ANGPT2: variants seen among roughly 807,000 people sequenced by gnomAD.
ANGPT2 encodes angiopoietin 2, also known as angiopoietin-2.
In ANGPT2, 28 loss-of-function variants were observed where a neutral mutation model predicts 62.9. The observed-to-expected ratio is 0.44, with a 90% CI of 0.33 to 0.61. ANGPT2 has a LOEUF of 0.61. Among genes scored for constraint, ANGPT2 ranks in the 20% least tolerant of loss-of-function variants. The pLI is 0.03. For synonymous variants in ANGPT2, 284 were observed against 207.8 expected (o/e 1.37, Z -3.15); for missense variants, 727 against 594.9 (o/e 1.22, Z -2.31).
intron 1 of ANGPT2, among the ~76,000 whole-genome samples, chr8:6,555,583 T>G (rs1422569081): frequency 6.6e-6 from 1 of 151,772 alleles, no homozygotes; most frequent in African/African-American, 2.4e-5. Flanking sequence ...CACCTCATCC[T>G]CCTGAGTAGC....
chr8:6,503,392 G>C (rs1812590183), intron 8 of ANGPT2, 131 bp from the exon 9 acceptor site: 3 of 847,492 alleles, frequency 3.5e-6, no homozygotes, highest in South Asian at 3.3e-5. Context: ...ATGATGGTGA[G>C]TATAGGATGT....
chr8:6,532,465 T>G lies in ANGPT2; in HGVS notation c.311A>C (p.Asn104Thr), dbSNP rs1250282840. 6.2e-7 allele frequency: 1 copy of G among 1,613,598 alleles called. No homozygotes were observed. The highest frequency in any genetic ancestry group is 1.7e-5 in the Admixed American group (1 of 59,966). The stretch of plus-strand genomic sequence containing the variant: ...TATCTCTACCATTTCTTTCTTCATG[T>G]TGTCCTGGATATAATTCTCAAGCTA... ...LMKLENYIQD[N>T]MKKEMVEIQQ... The change falls in exon 2 of 9, where the codon AAC becomes ACC. Residue 104 changes from asparagine (N) to threonine (T), a missense_variant. By Grantham distance (65) the Asn-to-Thr change is moderately conservative. Transcript: ENST00000629816.
In ANGPT2 at chr8:6,513,694, C is replaced by T. The variant is rs764007865; in HGVS notation, c.1180G>A (p.Glu394Lys). Residue 394 changes from glutamate (E) to lysine (K), a missense_variant, in exon 7 of 9, where the codon GAA becomes AAA. Coordinates refer to ENST00000629816, the MANE Select transcript of ANGPT2 (RefSeq NM_001118887.2). ...SLYEHFYLSS[E>K]ELNYRIHLKG... ...CTCACTTACCTATAATTGAGTTCTT[C>T]ACTTGAGAGATAGAAATGTTCATAC... 8.1e-6 allele frequency: 13 copies of T among 1,611,036 alleles called. No homozygotes were observed. The highest frequency in any genetic ancestry group is 1.1e-5 in the Non-Finnish European group (13 of 1,179,210).
At chr8:6,543,791 G>T (rs1312799003) in intron 1 of ANGPT2, among the ~76,000 whole-genome samples, 1 of 152,154 alleles carries the variant, frequency 6.6e-6, no homozygotes, top group African/African-American at 2.4e-5. Flanking sequence ...AAAGCTGCGA[G>T]TTTTTTCATA....
At chr8:6,527,481 C>A in intron 3 of ANGPT2, 74 bp downstream of exon 3, 1 of 1,540,558 alleles carries the variant, frequency 6.5e-7, no homozygotes, top group Non-Finnish European at 8.8e-7. Context: ...TCTGATAATT[C>A]ATCATTTGAG....
intron 8 of ANGPT2, among the ~76,000 whole-genome samples, chr8:6,507,139 C>G (rs1045475025): frequency 1.3e-5 from 2 of 152,208 alleles, no homozygotes; most frequent in Non-Finnish European, 2.9e-5. Flanking sequence ...CTCAGGTGAT[C>G]CATCCACCTT....
At chr8:6,543,623 C>T (rs1228321888) in intron 1 of ANGPT2, among the ~76,000 whole-genome samples, 1 of 152,162 alleles carries the variant, frequency 6.6e-6, no homozygotes, top group Non-Finnish European at 1.5e-5. Context: ...TTTTTGTGTT[C>T]ATAAAGCTGT....
intron 1 of ANGPT2, 51 bp downstream of exon 1, chr8:6,562,596 C>CAAGCTGATCTT: frequency 2.4e-6 from 1 of 412,918 alleles, no homozygotes; most frequent in Non-Finnish European, 3.4e-6. Context: ...GAGCTGCTGC[C>CAAGCTGATCTT]AAGCTGATCT....
At position 6,562,861 on chromosome 8, in the gene ANGPT2, C is replaced by T; in HGVS notation, c.74G>A (p.Ser25Asn). 3.7e-6 allele frequency: 6 copies of T among 1,613,180 alleles called. No homozygotes were observed. The highest frequency in any genetic ancestry group is 5.1e-6 in the Non-Finnish European group (6 of 1,179,266). ...LAAAYNNFRK[S>N]MDSIGKKQYQ... ...TTGCTTCTTTCCTATGCTGTCCATG[C>T]TCTTCCGAAAGTTGTTATAGGCTGC... Residue 25 changes from serine to asparagine, a missense_variant, in exon 1 of 9, where the codon AGC becomes AAC. Coordinates refer to ENST00000629816, the MANE Select transcript of ANGPT2 (RefSeq NM_001118887.2).
At chr8:6,525,310 G>C (rs1373213649) in intron 3 of ANGPT2, among the ~76,000 whole-genome samples, 1 of 152,136 alleles carries the variant, frequency 6.6e-6, no homozygotes, top group South Asian at 2.1e-4. Flanking sequence ...GCCCAGGTTG[G>C]TATCAAACTC....
chr8:6,509,196 G>T (rs1814423549), intron 7 of ANGPT2, 134 bp from the exon 8 acceptor site: 1 of 1,168,368 alleles, frequency 8.6e-7, no homozygotes, highest in Non-Finnish European at 1.2e-6. Flanking sequence ...GCATACTCTG[G>T]ACAAAATATT....
chr8:6,539,200 A>G (rs760135745), intron 1 of ANGPT2, among the ~76,000 whole-genome samples: 4 of 152,244 alleles, frequency 2.6e-5, no homozygotes, highest in Non-Finnish European at 5.9e-5. Flanking sequence ...GGGGGTAGGC[A>G]CAGTACCCAC....
At chr8:6,512,493 T>C (rs779473069) in intron 7 of ANGPT2, among the ~76,000 whole-genome samples, 1 of 152,184 alleles carries the variant, frequency 6.6e-6, no homozygotes, top group Non-Finnish European at 1.5e-5. Flanking sequence ...AGTGGGTATT[T>C]CATAATGTGT....
Position 6,562,634 on chromosome 8 carries a change from A to ATT in ANGPT2, c.288+11_288+12dup. ...ATAGCATGTTCACAAAGACAGATGG[A>ATT]TTTTTTTCCTACCTTCATTAGCCAC... On this transcript the variant is annotated intron_variant, in intron 1 of 8. Coordinates refer to ENST00000629816, the MANE Select transcript of ANGPT2 (RefSeq NM_001118887.2). The ATT allele has an allele frequency of 1.3e-6, 2 of 1,496,110 alleles. No individual in the cohort carries two copies. The highest frequency in any genetic ancestry group is 2.5e-5 in the East Asian group (1 of 39,626). 92.7% of individuals were successfully genotyped at this position (1,496,110 alleles called of 1,614,324 possible).
Position 6,521,239 on chromosome 8 carries a change from C to A in ANGPT2, c.738G>T (p.Lys246Asn). 1.2e-6 allele frequency: 2 copies of A among 1,613,908 alleles called. No homozygotes were observed. The highest frequency in any genetic ancestry group is 1.7e-6 in the Non-Finnish European group (2 of 1,179,942). The change falls in exon 4 of 9, where the codon AAG (lysine) becomes AAT (asparagine). Residue 246 changes from lysine (K) to asparagine (N), a missense_variant. Coordinates refer to ENST00000629816, the MANE Select transcript of ANGPT2 (RefSeq NM_001118887.2). ...CTGTCTCCATGAGATCATGTTGCTGCTTCTGAAGAACTGAATTATTCACCG... is the reference window on the plus strand; with the variant it reads ...CTGTCTCCATGAGATCATGTTGCTGATTCTGAAGAACTGAATTATTCACCG... Reference protein sequence around the residue: ...TATVNNSVLQKQQHDLMETVN... With the variant: ...TATVNNSVLQNQQHDLMETVN...
At chr8:6,548,488 G>C (rs1456576370) in intron 1 of ANGPT2, among the ~76,000 whole-genome samples, 1 of 152,114 alleles carries the variant, frequency 6.6e-6, no homozygotes, top group East Asian at 1.9e-4. Flanking sequence ...GAAAATGCTG[G>C]GTTTTTCATT....
At chr8:6,504,145 C>T (rs199794373) in intron 8 of ANGPT2, among the ~76,000 whole-genome samples, 1 of 151,902 alleles carries the variant, frequency 6.6e-6, no homozygotes, top group Non-Finnish European at 1.5e-5. Context: ...GGTGAAACCC[C>T]GTCTCTACTA....
At chr8:6,549,610 G>C (rs1423095150) in intron 1 of ANGPT2, among the ~76,000 whole-genome samples, 1 of 151,414 alleles carries the variant, frequency 6.6e-6, no homozygotes, top group Non-Finnish European at 1.5e-5. Flanking sequence ...TGAGTTGGGC[G>C]GTCGTTACAC....
Position 6,503,238 on chromosome 8 carries a change from G to A in ANGPT2, c.1351C>T (p.Pro451Ser). ...TAGTACATTCCGTTCAAGTTGGAAG[G>A]ACCACATGCATCAAACCACCAGCCT... ...TGGWWFDACG[P>S]SNLNGMYYPQ... is the part of the protein sequence containing the mutation. Residue 451 changes from proline (P) to serine (S), a missense_variant, in exon 9 of 9, where the codon CCT becomes TCT. Physicochemically the swap from Pro to Ser is moderately conservative, Grantham distance 74. Transcript: ENST00000629816. The A allele has an allele frequency of 6.2e-7, 1 of 1,614,116 alleles. No homozygotes were observed. Among genetic ancestry groups the A allele is most frequent in the Non-Finnish European group, 8.5e-7 (1 of 1,180,034 alleles).
Sources: allele counts gnomAD v4.1 joint callset (sites outside exome capture counted in the v4.1 genomes callset), GRCh38; gene constraint gnomAD v4.1.1; transcripts MANE v1.5; gene names NCBI Gene and HGNC (gene_info 2026-07-23, HGNC 2026-07-21).